The following SULT1E1 variants were observed in gnomAD, a reference collection of about 807,000 sequenced individuals.
The protein encoded by SULT1E1 is sulfotransferase 1E1.
SULT1E1 carries 36 observed loss-of-function variants against 33.6 expected under a neutral mutation model. The ratio of observed to expected loss-of-function variants is 1.07; its 90% confidence interval spans 0.82 to 1.41. The LOEUF is 1.41. Ranked by LOEUF, SULT1E1 falls within the 40% of genes most tolerant of loss-of-function variation. SULT1E1 has a pLI of 0.00. For synonymous variants in SULT1E1, 121 were observed against 111.7 expected (o/e 1.08, Z -0.53); for missense variants, 371 against 345.7 (o/e 1.07, Z -0.58).
At position 69,841,794 on chromosome 4, in the gene SULT1E1, T is replaced by C; in HGVS notation, c.*200A>G. Reference sequence around the variant, plus strand: ...AGGTCAAGGCTGCAATCAGCCATGATTGTGCCACTGTCCTCCAGCCTAGGC... The same window carrying C: ...AGGTCAAGGCTGCAATCAGCCATGACTGTGCCACTGTCCTCCAGCCTAGGC... On this transcript the variant is annotated 3_prime_UTR_variant, in exon 8 of 8. Transcript: ENST00000226444. The C allele has an allele frequency of 2.4e-6, 1 of 410,248 alleles. No individual in the cohort carries two copies. Among genetic ancestry groups the C allele is most frequent in the Admixed American group, 4.5e-5 (1 of 22,380 alleles). The allele number at this position is 410,248 out of a possible 1,614,324, so 25.4% of individuals were successfully genotyped here.
At chr4:69,834,916 T>A in the SULT1E1 span, among the ~76,000 whole-genome samples, 1 of 152,132 alleles carries the variant, frequency 6.6e-6, no homozygotes, top group Non-Finnish European at 1.5e-5. Flanking sequence ...CTCCCTATAC[T>A]TATCATGATA....
the SULT1E1 span, among the ~76,000 whole-genome samples, chr4:69,835,490 G>A: frequency 6.6e-6 from 1 of 152,154 alleles, no homozygotes; most frequent in African/African-American, 2.4e-5. Flanking sequence ...TGGAGAACTG[G>A]AAGATTCAAA....
chr4:69,858,767 C>T (rs1404662410), intron 1 of SULT1E1, among the ~76,000 whole-genome samples: 3 of 152,124 alleles, frequency 2.0e-5, no homozygotes, highest in South Asian at 2.1e-4. Context: ...AAGCCTTCTC[C>T]TTAGTCTCAG....
At chr4:69,824,207 T>C in the SULT1E1 span, among the ~76,000 whole-genome samples, 1 of 152,162 alleles carries the variant, frequency 6.6e-6, no homozygotes, top group Non-Finnish European at 1.5e-5. Flanking sequence ...TAGCTTCCTG[T>C]GCCAGCAGAG....
rs1720933960 is a variant in SULT1E1 at position 69,844,276 on chromosome 4, C to T, written c.657G>A (p.Val219=). The T allele has an allele frequency of 6.2e-7, 1 of 1,613,702 alleles. No homozygotes were observed. The highest frequency in any genetic ancestry group is 1.3e-5 in the African/African-American group (1 of 74,886). ...FLERKPSEEL[V]DRIIHHTSFQ... is the part of the protein sequence containing the mutation. Reference sequence around the variant, plus strand: ...ACGAAGTATGATGTATAATCCTGTCCACAAGCTCCTCTGATGGCTTCCTTT... The same window carrying T: ...ACGAAGTATGATGTATAATCCTGTCTACAAGCTCCTCTGATGGCTTCCTTT... The change falls in exon 7 of 8, where the codon GTG becomes GTA. Residue 219 remains valine, a synonymous_variant. Coordinates refer to ENST00000226444, the MANE Select transcript of SULT1E1 (RefSeq NM_005420.3).
chr4:69,823,196 A>G, the SULT1E1 span, among the ~76,000 whole-genome samples: 1 of 152,296 alleles, frequency 6.6e-6, no homozygotes, highest in African/African-American at 2.4e-5. Flanking sequence ...TGTGAAAACT[A>G]ATGTACAGAA....
At chr4:69,851,284 A>T (rs1372760236) in intron 4 of SULT1E1, among the ~76,000 whole-genome samples, 4 of 152,170 alleles carry the variant, frequency 2.6e-5, no homozygotes, top group African/African-American at 9.6e-5. Context: ...ACAAGAAAAA[A>T]ACAAACAACC....
chr4:69,822,585 C>A, the SULT1E1 span, among the ~76,000 whole-genome samples: 3 of 152,054 alleles, frequency 2.0e-5, no homozygotes, highest in Non-Finnish European at 4.4e-5. Context: ...CAACCTGGAC[C>A]CTGTCTGTAG....
chr4:69,849,385 T>G (rs768547849), intron 5 of SULT1E1, 52 bp downstream of exon 5: 71 of 1,587,794 alleles, frequency 4.5e-5, no homozygotes, highest in Non-Finnish European at 5.6e-5. Flanking sequence ...GGAGATGGCA[T>G]TTGTCTTATA....
chr4:69,834,513 C>T, the SULT1E1 span, among the ~76,000 whole-genome samples: 1 of 152,170 alleles, frequency 6.6e-6, no homozygotes, highest in Non-Finnish European at 1.5e-5. Context: ...TCTCAAGCTG[C>T]TGTCTTCTTT....
At chr4:69,823,421 AG>A in the SULT1E1 span, among the ~76,000 whole-genome samples, 2 of 151,918 alleles carry the variant, frequency 1.3e-5, no homozygotes, top group African/African-American at 4.8e-5. Flanking sequence ...GGTCTCCGAG[AG>A]GGGGATCTCT....
chr4:69,822,129 GT>G, the SULT1E1 span, among the ~76,000 whole-genome samples: 14 of 152,062 alleles, frequency 9.2e-5, no homozygotes, highest in African/African-American at 3.1e-4. Context: ...TATCAATTAG[GT>G]TTTATGTAAT....
intron 4 of SULT1E1, among the ~76,000 whole-genome samples, 155 bp downstream of exon 4, chr4:69,854,062 A>C (rs1469248935): frequency 6.6e-6 from 1 of 152,168 alleles, no homozygotes; most frequent in Non-Finnish European, 1.5e-5. Context: ...ATTAAAATAT[A>C]GACTCTCTGA....
At chr4:69,822,966 C>T in the SULT1E1 span, among the ~76,000 whole-genome samples, 1 of 152,178 alleles carries the variant, frequency 6.6e-6, no homozygotes, top group Non-Finnish European at 1.5e-5. Context: ...AAAGGCCGTG[C>T]TGAGTATATC....
chr4:69,830,492 C>T, the SULT1E1 span, among the ~76,000 whole-genome samples: 2 of 152,200 alleles, frequency 1.3e-5, no homozygotes, highest in Non-Finnish European at 2.9e-5. Context: ...TTCATCTGCT[C>T]CTTGGAGCAC....
intron 4 of SULT1E1, among the ~76,000 whole-genome samples, chr4:69,852,977 C>G (rs2110071754): frequency 6.6e-6 from 1 of 152,146 alleles, no homozygotes; most frequent in South Asian, 2.1e-4. Context: ...AATGAGACAG[C>G]CCTTATGCAT....
At chr4:69,826,193 G>A in the SULT1E1 span, among the ~76,000 whole-genome samples, 1 of 152,126 alleles carries the variant, frequency 6.6e-6, no homozygotes, top group Non-Finnish European at 1.5e-5. Context: ...TTCCCTCAGG[G>A]TATGGCCCTC....
downstream of SULT1E1, among the ~76,000 whole-genome samples, chr4:69,837,404 T>C (rs1720812492): frequency 6.6e-6 from 1 of 151,908 alleles, no homozygotes; most frequent in Admixed American, 6.6e-5. Flanking sequence ...TTATTTGGCT[T>C]TTTCCCTGAA....
At chr4:69,840,444 A>G (rs1048623802), downstream of SULT1E1, among the ~76,000 whole-genome samples, 10 of 152,228 alleles carry the variant, frequency 6.6e-5, no homozygotes, top group African/African-American at 2.4e-4. Flanking sequence ...TAGTACAGAA[A>G]AAGAATACAA....
Sources: allele counts gnomAD v4.1 joint callset (sites outside exome capture counted in the v4.1 genomes callset), GRCh38; gene constraint gnomAD v4.1.1; transcripts MANE v1.5; gene names NCBI Gene and HGNC (gene_info 2026-07-23, HGNC 2026-07-21).